DPYD: variants seen among roughly 807,000 people sequenced by gnomAD.
DPYD encodes the protein dihydropyrimidine dehydrogenase.
Under a neutral mutation model 116.2 loss-of-function variants are expected in DPYD, and 109 were observed. The observed-to-expected ratio is 0.94, with a 90% CI of 0.80 to 1.10. The LOEUF (loss-of-function observed/expected upper bound fraction) is 1.10. DPYD is among the 50% of genes least tolerant of loss of function. DPYD has a pLI of 0.00. For synonymous variants in DPYD, 440 were observed against 432.0 expected (o/e 1.02, Z -0.23); for missense variants, 1,302 against 1,254.5 (o/e 1.04, Z -0.57).
chr1:97,225,564 T>G lies in DPYD; in HGVS notation c.2442+9288A>C, dbSNP rs1358854403. On this transcript the variant is annotated intron_variant, in intron 19 of 22. Coordinates refer to ENST00000370192, the MANE Select transcript of DPYD (RefSeq NM_000110.4). ...AAAAAATTTTGAAATCAGGTTGTTT[T>G]TTTTTTTTTTTTGCTTTTGAATTGT... Among the ~76,000 whole-genome samples the G allele has an allele frequency of 2.8e-4, 43 of 151,068 alleles. No individual in the cohort carries two copies. The East Asian group carries it at 3.1e-3, about 11-fold the overall frequency.
intron 5 of DPYD, among the ~76,000 whole-genome samples, chr1:97,710,125 A>C (rs946355658): frequency 1.3e-5 from 2 of 151,322 alleles, no homozygotes; most frequent in African/African-American, 4.8e-5. Context: ...GTGTAGGTCT[A>C]AGATAAATCT....
At chr1:97,675,681 T>A (rs1190399303) in intron 8 of DPYD, among the ~76,000 whole-genome samples, 1 of 152,086 alleles carries the variant, frequency 6.6e-6, no homozygotes, top group East Asian at 1.9e-4. Flanking sequence ...TAACGTAGAA[T>A]AAGATAGTAG....
At chr1:97,202,004 C>T (rs74104311) in intron 19 of DPYD, among the ~76,000 whole-genome samples, 2,052 of 151,358 alleles carry the variant, frequency 0.014, 55 homozygotes, top group African/African-American at 0.046. Context: ...AGCTTTGCTA[C>T]GAAACTGCAC....
intron 18 of DPYD, among the ~76,000 whole-genome samples, chr1:97,290,843 A>C (rs1666094638): frequency 1.3e-5 from 2 of 152,166 alleles, no homozygotes; most frequent in Non-Finnish European, 2.9e-5. Flanking sequence ...AATGGGATCT[A>C]ATTAAACTAA....
At chr1:97,256,056 T>C (rs964971525) in intron 18 of DPYD, among the ~76,000 whole-genome samples, 5 of 152,168 alleles carry the variant, frequency 3.3e-5, no homozygotes, top group South Asian at 2.1e-4. Flanking sequence ...TAGTTGATTA[T>C]GACAGCTTTC....
In DPYD at chr1:97,762,763, T is replaced by C. The variant is rs188105889; in HGVS notation, c.234-22284A>G. Among the ~76,000 whole-genome samples, 429 of 152,232 alleles carry C rather than the reference T, an allele frequency of 2.8e-3. 1 individual carries two copies. Among genetic ancestry groups the C allele is most frequent in the African/African-American group, 0.01 (419 of 41,566 alleles). On this transcript the variant is annotated intron_variant, in intron 3 of 22. Transcript: ENST00000370192. ...GTACACCTCCAATTTGTTTTAAGCATAGCAGCCATAACATTTTCAAAGAAC... is the reference window on the plus strand; with the variant it reads ...GTACACCTCCAATTTGTTTTAAGCACAGCAGCCATAACATTTTCAAAGAAC...
intron 16 of DPYD, among the ~76,000 whole-genome samples, chr1:97,366,302 C>A (rs116126969): frequency 0.013 from 1,971 of 152,128 alleles, 45 homozygotes; most frequent in African/African-American, 0.046. Context: ...GATAGTTTTT[C>A]TCATAAACAA....
chr1:97,103,527 T>C (rs1200325260), intron 20 of DPYD, among the ~76,000 whole-genome samples: 1 of 152,138 alleles, frequency 6.6e-6, no homozygotes, highest in Non-Finnish European at 1.5e-5. Flanking sequence ...ATGTAAAATA[T>C]ATGAAATATG....
At chr1:97,229,136 G>A (rs1364289584) in intron 19 of DPYD, among the ~76,000 whole-genome samples, 3 of 149,692 alleles carry the variant, frequency 2.0e-5, no homozygotes, top group Non-Finnish European at 1.5e-5. Flanking sequence ...CCCGGGAGGC[G>A]GAGCTTGCTG....
At chr1:97,650,842 G>C (rs962892559) in intron 8 of DPYD, among the ~76,000 whole-genome samples, 75 of 151,644 alleles carry the variant, frequency 4.9e-4, no homozygotes, top group African/African-American at 1.7e-3. Context: ...AATTCAAGGT[G>C]TGTATACACA....
At chr1:97,868,705 A>G (rs957445627) in intron 2 of DPYD, among the ~76,000 whole-genome samples, 1 of 151,812 alleles carries the variant, frequency 6.6e-6, no homozygotes, top group African/African-American at 2.4e-5. Flanking sequence ...TAGTAAATGT[A>G]GAGACGATTT....
chr1:97,087,957 G>A (rs1649641058), intron 21 of DPYD, among the ~76,000 whole-genome samples: 1 of 152,102 alleles, frequency 6.6e-6, no homozygotes, highest in Non-Finnish European at 1.5e-5. Flanking sequence ...TCCAAACTCA[G>A]ATCATTTGAG....
intron 20 of DPYD, among the ~76,000 whole-genome samples, chr1:97,112,670 G>A (rs148770041): frequency 8.5e-5 from 13 of 152,184 alleles, no homozygotes; most frequent in South Asian, 6.2e-4. Context: ...CTGCTTTCCC[G>A]TGATTTCCAT....
At position 97,720,971 on chromosome 1, in the gene DPYD, A is replaced by G. The variant is rs964058678; in HGVS notation, c.483+539T>C. 2.5e-6 allele frequency: 4 copies of G among 1,595,400 alleles called. No individual in the cohort carries two copies. In the African/African-American group the frequency reaches 4.1e-5, roughly 16 times the overall value. On this transcript the variant is annotated intron_variant, in intron 5 of 22. Coordinates refer to ENST00000370192, the MANE Select transcript of DPYD (RefSeq NM_000110.4). The stretch of plus-strand genomic sequence containing the variant: ...AAAAGTGCTCTCATTTTATTTCCTT[A>G]TACATTTTTTACCCAAATAAAAGAC...
intron 12 of DPYD, among the ~76,000 whole-genome samples, chr1:97,525,871 CGTGTGT>C (rs536155212): frequency 8.1e-6 from 1 of 123,064 alleles, no homozygotes; most frequent in Non-Finnish European, 1.7e-5. Flanking sequence ...TAAGAGTGTG[CGTGTGT>C]GTGTGTGTGC....
intron 8 of DPYD, among the ~76,000 whole-genome samples, chr1:97,615,055 T>C (rs1656180115): frequency 6.6e-6 from 1 of 152,138 alleles, no homozygotes; most frequent in Non-Finnish European, 1.5e-5. Flanking sequence ...ATACTAGTGC[T>C]AACTATGATT....
chr1:97,586,461 CATACATATATAT>C (rs1654108026), intron 10 of DPYD, among the ~76,000 whole-genome samples: 7 of 46,606 alleles, frequency 1.5e-4, no homozygotes, highest in African/African-American at 2.1e-4. Context: ...AAAATACATA[CATACATATATAT>C]ATATATATAT....
In DPYD at chr1:97,703,797, T is replaced by C. The variant is rs910268587; in HGVS notation, c.484-4250A>G. On this transcript the variant is annotated intron_variant, in intron 5 of 22. Transcript: ENST00000370192. ...CATAGTTAATGGGAAATAAATAATT[T>C]AGAGGCAGTGAGTTTGTAGTATTTG... Among the ~76,000 whole-genome samples, 4 of 152,072 alleles carry C rather than the reference T, an allele frequency of 2.6e-5. No homozygotes were observed. In the South Asian group the frequency reaches 8.3e-4, roughly 32 times the overall value.
At chr1:97,568,232 G>C (rs902535628) in intron 11 of DPYD, among the ~76,000 whole-genome samples, 8 of 151,886 alleles carry the variant, frequency 5.3e-5, no homozygotes, top group African/African-American at 1.7e-4. Flanking sequence ...TCCTGATGAA[G>C]TATTGATATT....
Sources: allele counts gnomAD v4.1 joint callset (sites outside exome capture counted in the v4.1 genomes callset), GRCh38; gene constraint gnomAD v4.1.1; transcripts MANE v1.5; gene names NCBI Gene and HGNC (gene_info 2026-07-23, HGNC 2026-07-21).